Variants in LRRK2 observed in about 807,000 individuals in gnomAD.
The protein encoded by LRRK2 is leucine-rich repeat serine/threonine-protein kinase 2.
LRRK2 carries 203 observed loss-of-function variants against 302.6 expected under a neutral mutation model. The observed-to-expected ratio is 0.67, with a 90% confidence interval of 0.60 to 0.75. LRRK2 has a LOEUF of 0.75. Among genes scored for constraint, LRRK2 ranks in the 30% least tolerant of loss-of-function variants. LRRK2 has a pLI of 0.00. For synonymous variants in LRRK2, 1,066 were observed against 1,031.9 expected (o/e 1.03, Z -0.63); for missense variants, 2,830 against 2,951.0 (o/e 0.96, Z 0.95).
chr12:40,282,353 T>C (rs1006474271), intron 18 of LRRK2, among the ~76,000 whole-genome samples: 3 of 151,972 alleles, frequency 2.0e-5, no homozygotes, highest in African/African-American at 7.3e-5. Flanking sequence ...GTAAAGCCCT[T>C]TGCATTCTAG....
chr12:40,356,787 CAAT>C (rs1454541208), intron 46 of LRRK2, among the ~76,000 whole-genome samples: 1 of 152,000 alleles, frequency 6.6e-6, no homozygotes. Context: ...TTGAATGTAA[CAAT>C]AATATTTCGA....
At chr12:40,327,728 C>T (rs953127679) in intron 38 of LRRK2, among the ~76,000 whole-genome samples, 2 of 152,144 alleles carry the variant, frequency 1.3e-5, no homozygotes, top group African/African-American at 4.8e-5. Flanking sequence ...TCCTGGGACT[C>T]AGCAGAAAGC....
At chr12:40,325,823 G>C (rs1329514265) in intron 38 of LRRK2, among the ~76,000 whole-genome samples, 1 of 152,224 alleles carries the variant, frequency 6.6e-6, no homozygotes, top group African/African-American at 2.4e-5. Context: ...TATGCAGTGA[G>C]TAATACGACC....
chr12:40,272,031 C>T (rs1339517897), intron 14 of LRRK2, among the ~76,000 whole-genome samples: 3 of 152,118 alleles, frequency 2.0e-5, no homozygotes, highest in African/African-American at 7.2e-5. Flanking sequence ...CTATGATGCT[C>T]TTTGAGCTTG....
chr12:40,293,970 A>C (rs1944270557), intron 21 of LRRK2, among the ~76,000 whole-genome samples: 2 of 150,422 alleles, frequency 1.3e-5, no homozygotes, highest in South Asian at 4.2e-4. Flanking sequence ...TCCATGTCTG[A>C]AAAGAGCCCA....
chr12:40,293,227 G>C (rs1456853896), intron 20 of LRRK2, among the ~76,000 whole-genome samples: 1 of 151,954 alleles, frequency 6.6e-6, no homozygotes, highest in East Asian at 1.9e-4. Flanking sequence ...GCTTTTTCCT[G>C]CTGGACTATG....
chr12:40,330,852 T>C (rs1408748500), intron 39 of LRRK2, among the ~76,000 whole-genome samples: 1 of 152,224 alleles, frequency 6.6e-6, no homozygotes, highest in African/African-American at 2.4e-5. Flanking sequence ...CTTACTTGAC[T>C]GTCTCTTACA....
At chr12:40,307,781 C>CTTTTTTT (rs201473630) in intron 28 of LRRK2, among the ~76,000 whole-genome samples, 64 of 119,362 alleles carry the variant, frequency 5.4e-4, no homozygotes, top group South Asian at 8.1e-4. Flanking sequence ...CTTTTCTTTT[C>CTTTTTTT]TTTTTTTTTT....
intron 29 of LRRK2, 43 bp downstream of exon 29, chr12:40,308,739 G>T (rs371310838): frequency 6.4e-7 from 1 of 1,562,470 alleles, no homozygotes; most frequent in Non-Finnish European, 8.8e-7. Flanking sequence ...TTTACCATTT[G>T]TTTGGAACAG....
chr12:40,365,979 C>G (rs1029670577), intron 49 of LRRK2: 1 of 151,916 alleles, frequency 6.6e-6, no homozygotes, highest in African/African-American at 2.4e-5. Flanking sequence ...GTTGCATTCT[C>G]TAGTTGAATT....
Position 40,355,319 on chromosome 12 carries a change from C to T in LRRK2, c.6771-796C>T, listed in dbSNP as rs559127166. ...AGAGATCAGACTGAACTAAACTCCA[C>T]TGAAACAAAAGGTGGGAGAGTTTTA... On this transcript the variant is annotated intron_variant, in intron 45 of 50. Transcript: ENST00000298910. Among the ~76,000 whole-genome samples the T allele has an allele frequency of 6.6e-5, 10 of 152,230 alleles. No homozygotes were observed. In the East Asian group the frequency reaches 1.2e-3, roughly 18 times the overall value.
At chr12:40,353,292 C>T (rs560029194) in intron 44 of LRRK2, among the ~76,000 whole-genome samples, 1 of 128,664 alleles carries the variant, frequency 7.8e-6, no homozygotes, top group East Asian at 2.3e-4. Flanking sequence ...CAGAGGGACT[C>T]CTCACTTCTC....
At chr12:40,328,043 A>G (rs1007154884) in intron 38 of LRRK2, among the ~76,000 whole-genome samples, 1 of 152,228 alleles carries the variant, frequency 6.6e-6, no homozygotes, top group African/African-American at 2.4e-5. Flanking sequence ...AGTGTAGGAA[A>G]GCACTTAGGA....
At chr12:40,229,955 CTTTTTTTT>C (rs71078229) in intron 2 of LRRK2, among the ~76,000 whole-genome samples, 10 of 92,924 alleles carry the variant, frequency 1.1e-4, no homozygotes, top group African/African-American at 1.9e-4. Context: ...TCCTATGTGA[CTTTTTTTT>C]TTTTTTTTTT....
At chr12:40,239,805 G>C (rs1176103930) in intron 5 of LRRK2, among the ~76,000 whole-genome samples, 1 of 151,888 alleles carries the variant, frequency 6.6e-6, no homozygotes, top group Non-Finnish European at 1.5e-5. Flanking sequence ...TAAAAAAAAT[G>C]AATGTTGATC....
intron 6 of LRRK2, 101 bp from the exon 7 acceptor site, chr12:40,243,449 A>G: frequency 1.5e-6 from 2 of 1,315,262 alleles, no homozygotes; most frequent in Admixed American, 1.7e-5. Flanking sequence ...TGCAGTCATT[A>G]TGCTGCCATC....
At chr12:40,254,044 G>T (rs559085370) in intron 11 of LRRK2, among the ~76,000 whole-genome samples, 1 of 152,024 alleles carries the variant, frequency 6.6e-6, no homozygotes, top group Non-Finnish European at 1.5e-5. Flanking sequence ...CCTTTAGAAA[G>T]ACATGAGTTT....
At chr12:40,342,331 C>T (rs1946068664) in intron 41 of LRRK2, among the ~76,000 whole-genome samples, 1 of 152,112 alleles carries the variant, frequency 6.6e-6, no homozygotes, top group African/African-American at 2.4e-5. Context: ...ATTCTTCATA[C>T]CAAGCCACAC....
Position 40,343,083 on chromosome 12 carries a change from C to A in LRRK2, c.6109+2629C>A, listed in dbSNP as rs150954733. On this transcript the variant is annotated intron_variant, in intron 41 of 50. Transcript: ENST00000298910. ...CAAAAACTGTAGGACAAAATGCAAA[C>A]CCAAGCAGCCTGAGAGCAGAGCTCC... 4.0e-3 allele frequency among the ~76,000 whole-genome samples: 614 copies of A among 152,256 alleles called. 1 individual carries two copies. Among genetic ancestry groups the A allele is most frequent in the Non-Finnish European group, 6.8e-3 (460 of 68,026 alleles).
Sources: gnomAD v4.1 joint callset for allele counts (sites outside exome capture counted in the v4.1 genomes callset) on GRCh38, gnomAD v4.1.1 for gene constraint, MANE v1.5 for transcripts, NCBI Gene and HGNC (gene_info 2026-07-23, HGNC 2026-07-21) for gene names.